KDM4C: variants seen among roughly 807,000 people sequenced by gnomAD.
KDM4C encodes lysine-specific demethylase 4C.
Under a neutral mutation model 129.3 loss-of-function variants are expected in KDM4C, and 81 were observed. The observed-to-expected ratio is 0.63, with a 90% CI of 0.52 to 0.75. The LOEUF (loss-of-function observed/expected upper bound fraction) is 0.75. KDM4C is among the 30% of genes least tolerant of loss of function. The pLI, the probability that KDM4C is intolerant of heterozygous loss-of-function variation, is 0.00. For synonymous variants in KDM4C, 573 were observed against 456.1 expected, an observed-to-expected ratio of 1.26 and a Z score of -3.26; for missense variants, 1,457 against 1,304.0, an observed-to-expected ratio of 1.12 and a Z score of -1.81.
intron 18 of KDM4C, among the ~76,000 whole-genome samples, chr9:7,109,367 C>A (rs898305221): frequency 6.6e-6 from 1 of 151,212 alleles, no homozygotes; most frequent in Non-Finnish European, 1.5e-5. Flanking sequence ...AGTTCTGTTC[C>A]CAGATGGGGA....
At chr9:7,113,463 A>G (rs865892935) in intron 18 of KDM4C, among the ~76,000 whole-genome samples, 4 of 152,184 alleles carry the variant, frequency 2.6e-5, no homozygotes, top group Admixed American at 6.5e-5. Context: ...TTTGAACCCT[A>G]TTCAGAACCC....
chr9:6,818,652 T>TTCCTTAA (rs766609442), intron 4 of KDM4C, among the ~76,000 whole-genome samples: 28 of 152,222 alleles, frequency 1.8e-4, no homozygotes, highest in Non-Finnish European at 3.4e-4. Context: ...TTAAGGAATG[T>TTCCTTAA]GGCATCTTGC....
chr9:6,756,077 T>A (rs1448732225), upstream of KDM4C, among the ~76,000 whole-genome samples: 1 of 152,168 alleles, frequency 6.6e-6, no homozygotes, highest in Non-Finnish European at 1.5e-5. Context: ...GGATTTCAGG[T>A]TTCCAGATTT....
intron 1 of KDM4C, among the ~76,000 whole-genome samples, chr9:6,780,799 C>CTTTAATCA (rs1424675682): frequency 7.6e-6 from 1 of 132,018 alleles, no homozygotes; most frequent in Non-Finnish European, 1.6e-5. Context: ...AAAAAAGCGA[C>CTTTAATCA]TTTAATCATA....
At chr9:7,030,835 C>T (rs1442690713) in intron 15 of KDM4C, among the ~76,000 whole-genome samples, 2 of 152,042 alleles carry the variant, frequency 1.3e-5, no homozygotes, top group Non-Finnish European at 1.5e-5. Context: ...TGACTATTGC[C>T]ATGCTATCAA....
intron 19 of KDM4C, among the ~76,000 whole-genome samples, chr9:7,152,171 A>G (rs1842788112): frequency 6.6e-6 from 1 of 152,232 alleles, no homozygotes; most frequent in Non-Finnish European, 1.5e-5. Context: ...ATGCCTTTTT[A>G]CCAAGTAACT....
intron 15 of KDM4C, among the ~76,000 whole-genome samples, chr9:7,016,632 G>A (rs1823746196): frequency 2.0e-5 from 3 of 151,422 alleles, no homozygotes; most frequent in Admixed American, 2.0e-4. Context: ...CACCTTGCTA[G>A]TCAGGCTGGT....
intron 1 of KDM4C, chr9:6,726,478 C>T: frequency 6.6e-6 from 1 of 152,368 alleles, no homozygotes. Flanking sequence ...CAGCTCAAAG[C>T]TGTCTCCTCA....
At position 6,994,029 on chromosome 9, in the gene KDM4C, G is replaced by A. The variant is rs140160161; in HGVS notation, c.1786+3505G>A. Among the ~76,000 whole-genome samples the A allele has an allele frequency of 1.3e-3, 204 of 152,300 alleles. No homozygotes were observed. The Middle Eastern group carries it at 0.02, about 15-fold the overall frequency. ...AGACAGTTTTTCCATGGATGGGGCA[G>A]GGGTATAGGGGTGGGGATGGTTTTG... On this transcript the variant is annotated intron_variant, in intron 12 of 21. Transcript: ENST00000381309.
At chr9:6,747,442 G>A (rs1011734049) in intron 1 of KDM4C, among the ~76,000 whole-genome samples, 3 of 150,964 alleles carry the variant, frequency 2.0e-5, no homozygotes, top group East Asian at 1.9e-4. Flanking sequence ...CAACTACTCC[G>A]GAGGCTGAGG....
chr9:6,742,360 C>T (rs1817730080), intron 1 of KDM4C, among the ~76,000 whole-genome samples: 1 of 152,096 alleles, frequency 6.6e-6, no homozygotes, highest in Non-Finnish European at 1.5e-5. Context: ...AGTTTGATTG[C>T]AATCTATCTC....
intron 12 of KDM4C, among the ~76,000 whole-genome samples, chr9:7,003,860 T>G (rs1821175245): frequency 6.6e-6 from 1 of 152,174 alleles, no homozygotes; most frequent in African/African-American, 2.4e-5. Flanking sequence ...AGTTCCCAAG[T>G]TTGAATCTTT....
chr9:7,085,788 T>C (rs889351179), intron 17 of KDM4C, among the ~76,000 whole-genome samples: 38 of 152,072 alleles, frequency 2.5e-4, no homozygotes, highest in Non-Finnish European at 5.3e-4. Flanking sequence ...CCTCCTGAAG[T>C]GAATGGAGCA....
upstream of KDM4C, chr9:6,757,662 C>A: frequency 1.0e-6 from 1 of 985,506 alleles, no homozygotes; most frequent in Non-Finnish European, 1.2e-6. Context: ...GCGTCGGCGC[C>A]CAGGAGGACG....
At chr9:7,156,315 C>G (rs1014353077) in intron 19 of KDM4C, among the ~76,000 whole-genome samples, 1 of 152,198 alleles carries the variant, frequency 6.6e-6, no homozygotes, top group Non-Finnish European at 1.5e-5. Flanking sequence ...CCTGTTCACT[C>G]TAATGGTAGT....
At chr9:6,912,262 G>A (rs923486131) in intron 8 of KDM4C, among the ~76,000 whole-genome samples, 2 of 152,198 alleles carry the variant, frequency 1.3e-5, no homozygotes, top group African/African-American at 4.8e-5. Context: ...CCAGACTAAC[G>A]AATACTTGAT....
intron 8 of KDM4C, among the ~76,000 whole-genome samples, chr9:6,957,596 A>G (rs929622518): frequency 2.0e-5 from 3 of 152,054 alleles, no homozygotes; most frequent in African/African-American, 7.2e-5. Context: ...ACCATAAGAG[A>G]TCAAACGTGG....
intron 5 of KDM4C, among the ~76,000 whole-genome samples, chr9:6,865,448 G>T (rs997393435): frequency 7.2e-5 from 11 of 152,172 alleles, no homozygotes; most frequent in African/African-American, 2.4e-4. Context: ...TCAGTCACAG[G>T]TTTCTTGCTT....
intron 1 of KDM4C, among the ~76,000 whole-genome samples, chr9:6,773,722 G>C (rs1013674939): frequency 1.3e-5 from 2 of 150,462 alleles, no homozygotes; most frequent in Non-Finnish European, 2.9e-5. Flanking sequence ...AGTGAGTCAA[G>C]ATCGCACCAT....
Sources: allele counts gnomAD v4.1 joint callset (sites outside exome capture counted in the v4.1 genomes callset), GRCh38; gene constraint gnomAD v4.1.1; transcripts MANE v1.5; gene names NCBI Gene and HGNC (gene_info 2026-07-23, HGNC 2026-07-21).